HTR7: variants seen among roughly 807,000 people sequenced by gnomAD.
HTR7 encodes 5-hydroxytryptamine receptor 7.
Under a neutral mutation model 34.0 loss-of-function variants are expected in HTR7, and 16 were observed. That is an observed-to-expected ratio of 0.47 (90% CI 0.32 to 0.71). The LOEUF (loss-of-function observed/expected upper bound fraction) is 0.71. HTR7 is among the 30% of genes least tolerant of loss of function. The pLI is 0.04. For missense variants in HTR7, 504 were observed against 625.5 expected (o/e 0.81, Z 2.07); for synonymous variants, 265 against 260.2 (o/e 1.02, Z -0.18).
chr10:90,813,786 G>A (rs1845856148), intron 1 of HTR7, among the ~76,000 whole-genome samples: 1 of 152,162 alleles, frequency 6.6e-6, no homozygotes, highest in Admixed American at 6.5e-5. Context: ...CACATGTACA[G>A]TAAGGAAAAG....
intron 1 of HTR7, among the ~76,000 whole-genome samples, chr10:90,817,004 T>C (rs1845906885): frequency 6.6e-6 from 1 of 152,218 alleles, no homozygotes; most frequent in Non-Finnish European, 1.5e-5. Context: ...TTTTTGGCTC[T>C]ATGTCTCTTG....
At chr10:90,841,681 A>C (rs1355023048) in intron 1 of HTR7, among the ~76,000 whole-genome samples, 1 of 152,182 alleles carries the variant, frequency 6.6e-6, no homozygotes, top group Non-Finnish European at 1.5e-5. Context: ...TCATGTTCAC[A>C]AAGCCAGTGC....
chr10:90,774,554 T>G (rs371888307), intron 1 of HTR7, among the ~76,000 whole-genome samples: 4,117 of 152,212 alleles, frequency 0.027, 156 homozygotes, highest in African/African-American at 0.083. Flanking sequence ...ATAGTTACTT[T>G]GCTGGAAAAA....
At chr10:90,799,097 C>T (rs1845583778) in intron 1 of HTR7, among the ~76,000 whole-genome samples, 1 of 152,092 alleles carries the variant, frequency 6.6e-6, no homozygotes, top group African/African-American at 2.4e-5. Context: ...GATCAGCTGG[C>T]ACCATATAGA....
intron 1 of HTR7, among the ~76,000 whole-genome samples, chr10:90,852,642 T>C (rs1846518120): frequency 6.6e-6 from 1 of 152,212 alleles, no homozygotes; most frequent in Middle Eastern, 3.2e-3. Context: ...GGTATATTTA[T>C]ACAACGGAAT....
At position 90,741,302 on chromosome 10, in the gene HTR7, T is replaced by C. The variant is rs1844538299; in HGVS notation, c.*1180A>G. The stretch of plus-strand genomic sequence containing the variant: ...ACTACATAGTGCCATTTAAAAAATA[T>C]ATATCTGCAAAGAGACCTTTTCTGT... On this transcript the variant is annotated 3_prime_UTR_variant, in exon 4 of 4. Transcript: ENST00000336152. 1.3e-5 allele frequency: 2 copies of C among 152,638 alleles called. No individual in the cohort carries two copies. The highest frequency in any genetic ancestry group is 4.1e-4 in the South Asian group (2 of 4,838). 9.5% of individuals were successfully genotyped at this position (152,638 alleles called of 1,614,324 possible).
chr10:90,752,751 G>A (rs1454933417), intron 1 of HTR7, among the ~76,000 whole-genome samples: 1 of 152,108 alleles, frequency 6.6e-6, no homozygotes, highest in Non-Finnish European at 1.5e-5. Flanking sequence ...TAAATCACTA[G>A]TAAAAAATTG....
chr10:90,762,376 T>C (rs1256522706), intron 1 of HTR7, among the ~76,000 whole-genome samples: 2 of 152,346 alleles, frequency 1.3e-5, no homozygotes, highest in South Asian at 2.1e-4. Flanking sequence ...TATGTTTCCC[T>C]GATGATAAGT....
chr10:90,855,221 C>A (rs1846560116), intron 1 of HTR7, among the ~76,000 whole-genome samples: 1 of 152,186 alleles, frequency 6.6e-6, no homozygotes, highest in Non-Finnish European at 1.5e-5. Flanking sequence ...ATACAGTTAA[C>A]AACAAAATCT....
In HTR7 at chr10:90,848,037, T is replaced by A. The variant is rs183106480; in HGVS notation, c.539+9096A>T. ...GCCGCTCTGATCTCAGTTTTCTCCA[T>A]CCCATCTAAAAGCAATCACTCTCTC... On this transcript the variant is annotated intron_variant, in intron 1 of 3. Coordinates refer to ENST00000336152, the MANE Select transcript of HTR7 (RefSeq NM_019859.4). 2.5e-4 allele frequency among the ~76,000 whole-genome samples: 38 copies of A among 149,888 alleles called. 1 individual carries two copies. The South Asian group carries it at 4.9e-3, about 19-fold the overall frequency.
At chr10:90,776,251 C>T (rs879795959) in intron 1 of HTR7, among the ~76,000 whole-genome samples, 4 of 152,184 alleles carry the variant, frequency 2.6e-5, no homozygotes, top group Admixed American at 6.5e-5. Context: ...TACTTAAATT[C>T]GTAAATACTT....
chr10:90,815,623 C>G (rs1363882871), intron 1 of HTR7, among the ~76,000 whole-genome samples: 2 of 152,100 alleles, frequency 1.3e-5, no homozygotes, highest in African/African-American at 4.8e-5. Flanking sequence ...GAACACTGGG[C>G]TTGACACCTG....
chr10:90,780,356 T>C (rs146642004), intron 1 of HTR7, among the ~76,000 whole-genome samples: 57 of 152,022 alleles, frequency 3.7e-4, no homozygotes, highest in African/African-American at 1.3e-3. Flanking sequence ...GCCAATGTGG[T>C]GAAACCCCAT....
intron 1 of HTR7, among the ~76,000 whole-genome samples, chr10:90,835,363 T>C (rs1846238976): frequency 6.6e-6 from 1 of 152,124 alleles, no homozygotes; most frequent in Admixed American, 6.5e-5. Flanking sequence ...ATAAATCACA[T>C]AAAGCAGGGC....
At position 90,741,499 on chromosome 10, in the gene HTR7, T is replaced by A. The variant is rs1324647120; in HGVS notation, c.*983A>T. 1.3e-5 allele frequency: 2 copies of A among 152,166 alleles called. No homozygotes were observed. The highest frequency in any genetic ancestry group is 1.3e-4 in the Admixed American group (2 of 15,278). 9.4% of individuals were successfully genotyped at this position (152,166 alleles called of 1,614,324 possible). On this transcript the variant is annotated 3_prime_UTR_variant, in exon 4 of 4. Transcript: ENST00000336152. ...TTTCCCAAGAGTGGTCCAGGTGACCTCGCTTCACACAATTTGGTTTAACAC... is the reference window on the plus strand; with the variant it reads ...TTTCCCAAGAGTGGTCCAGGTGACCACGCTTCACACAATTTGGTTTAACAC...
intron 1 of HTR7, among the ~76,000 whole-genome samples, chr10:90,843,962 G>A (rs1202045290): frequency 1.3e-5 from 2 of 152,082 alleles, no homozygotes; most frequent in Non-Finnish European, 2.9e-5. Context: ...AGCTTTATTG[G>A]AACACAGCCA....
intron 1 of HTR7, among the ~76,000 whole-genome samples, chr10:90,821,316 C>T (rs746867322): frequency 2.6e-5 from 4 of 152,158 alleles, no homozygotes; most frequent in Non-Finnish European, 4.4e-5. Flanking sequence ...ATAGAGAATC[C>T]GTGCACTTGG....
At chr10:90,811,900 T>C (rs982994949) in intron 1 of HTR7, among the ~76,000 whole-genome samples, 2 of 152,216 alleles carry the variant, frequency 1.3e-5, no homozygotes, top group South Asian at 4.1e-4. Flanking sequence ...CCCACCTCTA[T>C]ACAGTCTGAT....
At chr10:90,824,696 G>A (rs1280733900) in intron 1 of HTR7, among the ~76,000 whole-genome samples, 1 of 152,202 alleles carries the variant, frequency 6.6e-6, no homozygotes, top group Non-Finnish European at 1.5e-5. Flanking sequence ...TGACTGAAAA[G>A]CTCCTGGGCC....
Sources: gnomAD v4.1 joint callset for allele counts (sites outside exome capture counted in the v4.1 genomes callset) on GRCh38, gnomAD v4.1.1 for gene constraint, MANE v1.5 for transcripts, NCBI Gene and HGNC (gene_info 2026-07-23, HGNC 2026-07-21) for gene names.